The following CFAP77 variants were observed in gnomAD, a reference collection of about 807,000 sequenced individuals.
CFAP77 encodes the protein cilia and flagella associated protein 77.
Under a neutral mutation model 31.1 loss-of-function variants are expected in CFAP77, and 25 were observed. The ratio of observed to expected loss-of-function variants is 0.80; its 90% CI spans 0.59 to 1.12. CFAP77 has a LOEUF of 1.12. Among genes scored for constraint, CFAP77 ranks in the 50% most tolerant of loss-of-function variants. The pLI, the probability that CFAP77 is intolerant of heterozygous loss-of-function variation, is 0.00. For missense variants in CFAP77, 377 were observed against 397.3 expected, an observed-to-expected ratio of 0.95 and a Z score of 0.44; for synonymous variants, 151 against 159.9, an observed-to-expected ratio of 0.94 and a Z score of 0.42.
chr9:132,421,378 G>C (rs1850213691), intron 1 of CFAP77, among the ~76,000 whole-genome samples: 1 of 152,128 alleles, frequency 6.6e-6, no homozygotes, highest in Non-Finnish European at 1.5e-5. Context: ...GTTTTGCCAG[G>C]CTTAAAGTTT....
At chr9:132,463,743 C>T (rs74623725) in intron 1 of CFAP77, among the ~76,000 whole-genome samples, 4 of 152,332 alleles carry the variant, frequency 2.6e-5, no homozygotes, top group Admixed American at 1.3e-4. Flanking sequence ...CCACCCAGGG[C>T]TTCAGAAGCA....
At chr9:132,413,038 G>C (rs1310447358) in intron 1 of CFAP77, among the ~76,000 whole-genome samples, 1 of 152,170 alleles carries the variant, frequency 6.6e-6, no homozygotes, top group African/African-American at 2.4e-5. Context: ...TTTTGTCTAA[G>C]TCTGAACCTG....
chr9:132,485,469 A>G (rs57455253), intron 1 of CFAP77, among the ~76,000 whole-genome samples: 4,491 of 152,268 alleles, frequency 0.029, 225 homozygotes, highest in African/African-American at 0.1. Context: ...GTCACGTCCC[A>G]ATCATGCGCC....
rs190608649 is a variant in CFAP77, at chr9:132,472,999, G to C, written c.196-25696G>C. On this transcript the variant is annotated intron_variant, in intron 1 of 5. Transcript: ENST00000393216. The stretch of plus-strand genomic sequence containing the variant: ...CAGGCTGTACAAGACGCATGGCACC[G>C]GCATCTGCTCAGCTTCTGGTGAGAA... Among the ~76,000 whole-genome samples, 396 of 152,194 alleles carry C rather than the reference G, an allele frequency of 2.6e-3. 1 individual carries two copies. Among genetic ancestry groups the C allele is most frequent in the African/African-American group, 9.3e-3 (385 of 41,510 alleles).
rs1851446454 is a variant in CFAP77 at position 132,481,515 on chromosome 9, C to T, written c.196-17180C>T. ...GTACCGAGCACAGTGGCTTGCACCCCGTCGGTGGCTGCTGCCCCGCTCCTG... is the reference window on the plus strand; with the variant it reads ...GTACCGAGCACAGTGGCTTGCACCCTGTCGGTGGCTGCTGCCCCGCTCCTG... On this transcript the variant is annotated intron_variant, in intron 1 of 5. Transcript: ENST00000393216. The surrounding 1 kb of genome is among the most constrained non-coding windows in gnomAD (Gnocchi z 5.0). 6.6e-6 allele frequency among the ~76,000 whole-genome samples: 1 copy of T among 152,228 alleles called. No homozygotes were observed. Among genetic ancestry groups the T allele is most frequent in the South Asian group, 2.1e-4 (1 of 4,820 alleles).
chr9:132,537,742 T>A, intron 4 of CFAP77, 36 bp downstream of exon 4: 3 of 1,528,276 alleles, frequency 2.0e-6, no homozygotes, highest in Non-Finnish European at 2.7e-6. Context: ...TGACAGCTGA[T>A]GGGGTGGAGA....
intron 5 of CFAP77, among the ~76,000 whole-genome samples, chr9:132,550,611 A>G (rs1432209966): frequency 7.0e-6 from 1 of 142,150 alleles, no homozygotes; most frequent in African/African-American, 2.7e-5. Context: ...TGCAGCCTCT[A>G]CCTCCCAGTC....
chr9:132,436,802 G>A (rs1345533954), intron 1 of CFAP77, among the ~76,000 whole-genome samples: 1 of 152,172 alleles, frequency 6.6e-6, no homozygotes, highest in African/African-American at 2.4e-5. Flanking sequence ...TGATGAGTGG[G>A]GTAGTGAGGA....
chr9:132,508,161 C>T (rs527991286), intron 3 of CFAP77, among the ~76,000 whole-genome samples: 74 of 152,274 alleles, frequency 4.9e-4, no homozygotes, highest in African/African-American at 1.7e-3. Flanking sequence ...AGAGAGGGGA[C>T]GTTAAAGCCA....
chr9:132,567,215 G>C (rs1026887301), intron 5 of CFAP77, among the ~76,000 whole-genome samples: 1 of 152,178 alleles, frequency 6.6e-6, no homozygotes, highest in African/African-American at 2.4e-5. Flanking sequence ...TAGTCATTGG[G>C]AGGAGCCTCT....
chr9:132,462,624 G>A (rs546329366), intron 1 of CFAP77, among the ~76,000 whole-genome samples: 109 of 152,056 alleles, frequency 7.2e-4, no homozygotes, highest in South Asian at 1.7e-3. Context: ...GACCAGCCTG[G>A]CTAACGTGGT....
chr9:132,446,365 G>A (rs1170666230), intron 1 of CFAP77, among the ~76,000 whole-genome samples: 1 of 151,984 alleles, frequency 6.6e-6, no homozygotes, highest in Non-Finnish European at 1.5e-5. Context: ...TTTTCACCGA[G>A]AACACCAGCT....
intron 3 of CFAP77, among the ~76,000 whole-genome samples, chr9:132,529,979 C>T (rs551432481): frequency 6.6e-6 from 1 of 152,204 alleles, no homozygotes; most frequent in South Asian, 2.1e-4. Flanking sequence ...CTTATTTTAG[C>T]TGTACTAATG....
In CFAP77 at chr9:132,499,399, A is replaced by C. The variant is rs1188331851; in HGVS notation, c.323A>C (p.Gln108Pro). 1 of 1,614,200 alleles carries C rather than the reference A, an allele frequency of 6.2e-7. No homozygotes were observed. The highest frequency in any genetic ancestry group is 1.7e-5 in the Admixed American group (1 of 60,026). Residue 108 changes from glutamine (Q) to proline (P), a missense_variant, in exon 3 of 6, where the codon CAG (glutamine) becomes CCG (proline). By Grantham distance (76) the Gln-to-Pro change is moderately conservative. Coordinates refer to ENST00000393216, the MANE Select transcript of CFAP77 (RefSeq NM_001282957.2). This position sits in a 1 kb window ranked among gnomAD's most constrained non-coding sequence, Gnocchi z 5.4. The stretch of plus-strand genomic sequence containing the variant: ...ATCGGACGCTGGAACGTGTTCAAGC[A>C]GCAGCCCACCTGCCCCCACGAGCTG... ...EAIGRWNVFK[Q>P]QPTCPHELTR...
Position 132,541,895 on chromosome 9 carries a change from G to A in CFAP77, c.631-1051G>A, listed in dbSNP as rs1312886607. 3.3e-5 allele frequency among the ~76,000 whole-genome samples: 5 copies of A among 151,996 alleles called. No individual in the cohort carries two copies. The East Asian group carries it at 7.7e-4, about 23-fold the overall frequency. On this transcript the variant is annotated intron_variant, in intron 4 of 5. Transcript: ENST00000393216. ...CTGTGTGCTTCACACCATGGGAGGT[G>A]ACGCGGAAGGTTTACTGGGCCCCGC...
intron 3 of CFAP77, among the ~76,000 whole-genome samples, chr9:132,523,511 A>G (rs970366981): frequency 6.6e-6 from 1 of 152,186 alleles, no homozygotes; most frequent in Admixed American, 6.5e-5. Flanking sequence ...TTACACACAC[A>G]GCCACTTCAT....
rs141709174 is a variant in CFAP77 at position 132,555,818 on chromosome 9, C to T, written c.732+12771C>T. On this transcript the variant is annotated intron_variant, in intron 5 of 5. Coordinates refer to ENST00000393216, the MANE Select transcript of CFAP77 (RefSeq NM_001282957.2). ...AGCAGAAAGCAGCAAATGAGATCTC[C>T]GCGTTGTGAGATGGGGGTGAGATTA... Among the ~76,000 whole-genome samples, 10 of 152,218 alleles carry T rather than the reference C, an allele frequency of 6.6e-5. No individual in the cohort carries two copies. In the South Asian group the frequency reaches 1.7e-3, roughly 25 times the overall value.
At chr9:132,561,370 C>T (rs878963271) in intron 5 of CFAP77, among the ~76,000 whole-genome samples, 1 of 151,582 alleles carries the variant, frequency 6.6e-6, no homozygotes, top group Non-Finnish European at 1.5e-5. Flanking sequence ...TGTTTTCCCC[C>T]CCCAAATCCT....
chr9:132,566,196 G>A (rs183357494), intron 5 of CFAP77, among the ~76,000 whole-genome samples: 103 of 152,284 alleles, frequency 6.8e-4, no homozygotes, highest in African/African-American at 2.4e-3. Context: ...CATGTGCGGC[G>A]GAGCCATGAC....
Sources: gnomAD v4.1 joint callset for allele counts (sites outside exome capture counted in the v4.1 genomes callset) on GRCh38, gnomAD v4.1.1 for gene constraint, Gnocchi (gnomAD v3.1) non-coding constraint, MANE v1.5 for transcripts, NCBI Gene and HGNC (gene_info 2026-07-23, HGNC 2026-07-21) for gene names.